The following HKDC1 variants were observed in gnomAD, a reference collection of about 807,000 sequenced individuals.
HKDC1 encodes hexokinase domain containing 1.
A neutral mutation model predicts 96.6 loss-of-function variants in HKDC1; 66 were observed. The observed-to-expected ratio is 0.68, with a 90% confidence interval of 0.56 to 0.84. HKDC1 has a LOEUF of 0.84. Among genes scored for constraint, HKDC1 ranks in the 40% least tolerant of loss-of-function variants. The pLI is 0.00. For synonymous variants in HKDC1, 466 were observed against 473.1 expected, an observed-to-expected ratio of 0.98 and a Z score of 0.20; for missense variants, 1,211 against 1,208.1, an observed-to-expected ratio of 1.00 and a Z score of -0.04.
At chr10:69,250,494 G>A in intron 11 of HKDC1, 39 bp from the exon 12 acceptor site, 1 of 1,613,402 alleles carries the variant, frequency 6.2e-7, no homozygotes, top group Non-Finnish European at 8.5e-7. Flanking sequence ...CTGCATCGAT[G>A]TCCGCCTGGT....
At chr10:69,252,427 C>T (rs1446576065) in intron 12 of HKDC1, among the ~76,000 whole-genome samples, 10 of 151,996 alleles carry the variant, frequency 6.6e-5, no homozygotes, top group African/African-American at 2.4e-4. Context: ...GGGTGGATCA[C>T]GAGGTCAGGA....
chr10:69,262,119 G>C (rs1487608365), intron 16 of HKDC1: 1 of 432,740 alleles, frequency 2.3e-6, no homozygotes, highest in African/African-American at 2.0e-5. Flanking sequence ...ATCGTAAATG[G>C]TGATGATTCC....
chr10:69,263,930 T>C (rs1320988614), intron 16 of HKDC1, among the ~76,000 whole-genome samples: 1 of 152,194 alleles, frequency 6.6e-6, no homozygotes, highest in African/African-American at 2.4e-5. Context: ...ATCCCAGGAC[T>C]TTGGGAGGCC....
At position 69,258,885 on chromosome 10, in the gene HKDC1, T is replaced by C. The variant is rs767031695; in HGVS notation, c.2142T>C (p.Asn714=). The change falls in exon 15 of 18, where the codon AAT becomes AAC. Residue 714 remains asparagine, a synonymous_variant. Coordinates refer to ENST00000354624, the MANE Select transcript of HKDC1 (RefSeq NM_025130.4). ...CAGAGTGGGGAGGATTTGGAGACAATGGCTGCATAGATGACATCTGGACCC... is the reference window on the plus strand; with the variant it reads ...CAGAGTGGGGAGGATTTGGAGACAACGGCTGCATAGATGACATCTGGACCC... ...INTEWGGFGD[N]GCIDDIWTRY... The C allele has an allele frequency of 5.6e-6, 9 of 1,612,394 alleles. No individual in the cohort carries two copies. The East Asian group carries it at 6.7e-5, about 12-fold the overall frequency.
intron 1 of HKDC1, among the ~76,000 whole-genome samples, chr10:69,226,602 C>T (rs1442910931): frequency 2.6e-5 from 4 of 151,868 alleles, no homozygotes; most frequent in Admixed American, 2.6e-4. Context: ...CTGCAGTGAG[C>T]CGAGATCTCA....
At position 69,267,431 on chromosome 10, in the gene HKDC1, T is replaced by C. The variant is rs1210536238; in HGVS notation, c.*674T>C. The C allele has an allele frequency of 2.2e-6, 1 of 453,696 alleles. No homozygotes were observed. The highest frequency in any genetic ancestry group is 4.4e-6 in the Non-Finnish European group (1 of 226,512). 28.1% of individuals were successfully genotyped at this position (453,696 alleles called of 1,614,324 possible). A position where few individuals can be genotyped will look rare whatever the true frequency, so the allele number is the denominator to read the frequency against. On this transcript the variant is annotated 3_prime_UTR_variant, in exon 18 of 18. Coordinates refer to ENST00000354624, the MANE Select transcript of HKDC1 (RefSeq NM_025130.4). ...GTGTGTGCCATGTGGTGGGGTGCTG[T>C]CTGGGGCATCTGTTTTTCATTTTGC... is the stretch of plus-strand genomic sequence containing the variant.
intron 4 of HKDC1, among the ~76,000 whole-genome samples, chr10:69,234,951 T>A (rs1000659955): frequency 1.3e-5 from 2 of 152,222 alleles, no homozygotes; most frequent in African/African-American, 4.8e-5. Context: ...AAGAAAGGAC[T>A]GAGAAAAATA....
In HKDC1 at chr10:69,239,766, C is replaced by CTTTTTTTT. The variant is rs33937984; in HGVS notation, c.591+640_591+647dup. On this transcript the variant is annotated intron_variant, in intron 5 of 17. Transcript: ENST00000354624. ...ATTTTCCCTTATTGTTTTCATTTTA[C>CTTTTTTTT]TTTTTTTTTTTTTTTTTTAGAGATG... is the stretch of plus-strand genomic sequence containing the variant. 2.4e-5 allele frequency among the ~76,000 whole-genome samples: 3 copies of CTTTTTTTT among 126,644 alleles called. 1 individual carries two copies. The highest frequency in any genetic ancestry group is 2.3e-4 in the East Asian group (1 of 4,314). The allele number at this position is 126,644 out of a possible 152,430, so 83.1% of individuals were successfully genotyped here.
chr10:69,236,393 G>A (rs1843361205), intron 4 of HKDC1, among the ~76,000 whole-genome samples: 1 of 151,614 alleles, frequency 6.6e-6, no homozygotes, highest in Non-Finnish European at 1.5e-5. Flanking sequence ...CAGGCGTGGT[G>A]AGCCACTGTG....
intron 16 of HKDC1, among the ~76,000 whole-genome samples, chr10:69,263,757 G>A (rs770608598): frequency 6.6e-6 from 1 of 152,148 alleles, no homozygotes; most frequent in South Asian, 2.1e-4. Flanking sequence ...GAAAGGCTGG[G>A]CCCAGGAAGG....
chr10:69,257,874 T>C (rs953300955), intron 14 of HKDC1, among the ~76,000 whole-genome samples: 2 of 152,008 alleles, frequency 1.3e-5, no homozygotes, highest in African/African-American at 4.8e-5. Flanking sequence ...GATACAGGCA[T>C]TTTAGGGGTC....
chr10:69,257,403 A>T lies in HKDC1; in HGVS notation c.2009A>T (p.Asn670Ile). 1.2e-6 allele frequency: 2 copies of T among 1,613,618 alleles called. No individual in the cohort carries two copies. Residue 670 changes from asparagine to isoleucine, a missense_variant, in exon 14 of 18, where the codon AAT becomes ATT. Coordinates refer to ENST00000354624, the MANE Select transcript of HKDC1 (RefSeq NM_025130.4). Reference sequence around the variant, plus strand: ...ATGACCTGTGGCTATGAAGATCCTAATTGTGAGATTGGCCTGATTGCAGGT... The same window carrying T: ...ATGACCTGTGGCTATGAAGATCCTATTTGTGAGATTGGCCTGATTGCAGGT... ...TMMTCGYEDP[N>I]CEIGLIAGTG...
chr10:69,232,710 G>A (rs1843286065), intron 2 of HKDC1, 54 bp from the exon 3 acceptor site: 3 of 1,524,092 alleles, frequency 2.0e-6, no homozygotes, highest in Admixed American at 1.7e-5. Flanking sequence ...TGCAGAGCTT[G>A]CCATATCTGT....
At chr10:69,260,322 G>A (rs570533722) in intron 15 of HKDC1, among the ~76,000 whole-genome samples, 1 of 152,296 alleles carries the variant, frequency 6.6e-6, no homozygotes, top group African/African-American at 2.4e-5. Context: ...AAGCCCAGCT[G>A]AAGCAAGGAT....
chr10:69,229,376 C>T (rs1024595314), intron 2 of HKDC1, among the ~76,000 whole-genome samples: 22 of 152,256 alleles, frequency 1.4e-4, no homozygotes, highest in Non-Finnish European at 2.5e-4. Flanking sequence ...GGACAGTGCC[C>T]TGTCCTGGAA....
At position 69,227,215 on chromosome 10, in the gene HKDC1, G is replaced by T; in HGVS notation, c.72G>T (p.Arg24Ser). 6.2e-7 allele frequency: 1 copy of T among 1,614,164 alleles called. No individual in the cohort carries two copies. Among genetic ancestry groups the T allele is most frequent in the Non-Finnish European group, 8.5e-7 (1 of 1,180,008 alleles). Reference protein sequence around the residue: ...LKEDQIKKVDRFLYHMRLSDD... With the variant: ...LKEDQIKKVDSFLYHMRLSDD... Reference sequence around the variant, plus strand: ...GCCGGTGTCTGTTCCAGGTGGACAGGTTCCTGTATCACATGCGGCTCTCCG... The same window carrying T: ...GCCGGTGTCTGTTCCAGGTGGACAGTTTCCTGTATCACATGCGGCTCTCCG... The change falls in exon 2 of 18, where the codon AGG (arginine) becomes AGT (serine). Residue 24 changes from arginine (R) to serine (S), a missense_variant. Transcript: ENST00000354624.
rs766012049 is a variant in HKDC1 at position 69,248,718 on chromosome 10, G to A, written c.1560G>A (p.Pro520=). The part of the protein sequence containing the change: ...RMLPTYVCGL[P]DGTEKGKFLA... Reference sequence around the variant, plus strand: ...TGCCCACCTACGTCTGCGGGCTGCCGGACGGCACAGGTGGGCCAGCACAGC... The same window carrying A: ...TGCCCACCTACGTCTGCGGGCTGCCAGACGGCACAGGTGGGCCAGCACAGC... The change falls in exon 10 of 18, where the codon CCG becomes CCA. Residue 520 remains proline, a synonymous_variant. Coordinates refer to ENST00000354624, the MANE Select transcript of HKDC1 (RefSeq NM_025130.4). The A allele has an allele frequency of 1.9e-5, 31 of 1,604,958 alleles. No individual in the cohort carries two copies. The Admixed American group carries it at 3.0e-4, about 16-fold the overall frequency.
intron 4 of HKDC1, among the ~76,000 whole-genome samples, chr10:69,234,731 A>T (rs992053997): frequency 6.6e-6 from 1 of 152,224 alleles, no homozygotes; most frequent in Non-Finnish European, 1.5e-5. Flanking sequence ...TCTTATCCCT[A>T]AATTCAACAG....
At chr10:69,243,769 T>G (rs575284868) in intron 7 of HKDC1, among the ~76,000 whole-genome samples, 4 of 152,260 alleles carry the variant, frequency 2.6e-5, no homozygotes, top group African/African-American at 9.6e-5. Flanking sequence ...AGTGCTGGGA[T>G]TACAGGCATG....
Sources: gnomAD v4.1 joint callset for allele counts (sites outside exome capture counted in the v4.1 genomes callset) on GRCh38, gnomAD v4.1.1 for gene constraint, MANE v1.5 for transcripts, NCBI Gene and HGNC (gene_info 2026-07-23, HGNC 2026-07-21) for gene names.